The following STAM2 variants were observed in gnomAD, a reference collection of about 807,000 sequenced individuals.
STAM2 encodes the protein signal transducing adapter molecule 2.
Under a neutral mutation model 65.6 loss-of-function variants are expected in STAM2, and 51 were observed. The ratio of observed to expected loss-of-function variants is 0.78; its 90% confidence interval spans 0.62 to 0.98. STAM2 has a LOEUF of 0.98. STAM2 is among the 50% of genes least tolerant of loss of function. The pLI is 0.00. For synonymous variants in STAM2, 198 were observed against 208.4 expected, an observed-to-expected ratio of 0.95 and a Z score of 0.43; for missense variants, 584 against 617.8, an observed-to-expected ratio of 0.95 and a Z score of 0.58.
intron 1 of STAM2, among the ~76,000 whole-genome samples, chr2:152,167,747 T>A (rs942717751): frequency 4.0e-5 from 6 of 150,230 alleles, no homozygotes; most frequent in African/African-American, 1.5e-4. Context: ...AATAAATAAA[T>A]AAATAATTAA....
At position 152,155,512 on chromosome 2, in the gene STAM2, G is replaced by A. The variant is rs549710503; in HGVS notation, c.41-5283C>T. On this transcript the variant is annotated intron_variant, in intron 1 of 13. Coordinates refer to ENST00000263904, the MANE Select transcript of STAM2 (RefSeq NM_005843.6). Reference sequence around the variant, plus strand: ...AGTTCTAGTTCTCCTCTTGTTTACTGAAGAGAAGTAACTCTCCGTTTGGGA... The same window carrying A: ...AGTTCTAGTTCTCCTCTTGTTTACTAAAGAGAAGTAACTCTCCGTTTGGGA... Among the ~76,000 whole-genome samples the A allele has an allele frequency of 3.3e-5, 5 of 152,308 alleles. No homozygotes were observed. In the East Asian group the frequency reaches 9.6e-4, roughly 29 times the overall value.
intron 8 of STAM2, among the ~76,000 whole-genome samples, chr2:152,134,028 CAA>C (rs899853209): frequency 3.8e-4 from 58 of 151,918 alleles, no homozygotes; most frequent in African/African-American, 1.4e-3. Flanking sequence ...ACACTAAACA[CAA>C]AAGTTTTTCA....
rs374797289 is a variant in STAM2 at position 152,136,979 on chromosome 2, C to T, written c.705-1376G>A. ...GCACGATCTTGGCTCACTGCAACCT[C>T]TCCCTCCCAGATTCAAGAAATTCTC... On this transcript the variant is annotated intron_variant, in intron 7 of 13. Coordinates refer to ENST00000263904, the MANE Select transcript of STAM2 (RefSeq NM_005843.6). Among the ~76,000 whole-genome samples, 10 of 150,528 alleles carry T rather than the reference C, an allele frequency of 6.6e-5. No individual in the cohort carries two copies. The East Asian group carries it at 9.8e-4, about 15-fold the overall frequency.
intron 1 of STAM2, among the ~76,000 whole-genome samples, chr2:152,164,358 T>G (rs1689738428): frequency 6.6e-6 from 1 of 151,786 alleles, no homozygotes; most frequent in Non-Finnish European, 1.5e-5. Flanking sequence ...TTTTTTTTTT[T>G]GAGATGCAGT....
In STAM2 at chr2:152,132,130, G is replaced by A. The variant is rs1689076054; in HGVS notation, c.1009C>T (p.Leu337Phe). 1 of 1,611,562 alleles carries A rather than the reference G, an allele frequency of 6.2e-7. No homozygotes were observed. The highest frequency in any genetic ancestry group is 8.5e-7 in the Non-Finnish European group (1 of 1,178,450). The change falls in exon 11 of 14, where the codon CTT becomes TTT. Residue 337 changes from leucine (L) to phenylalanine (F), a missense_variant. Coordinates refer to ENST00000263904, the MANE Select transcript of STAM2 (RefSeq NM_005843.6). ...QQMGPMIDEK[L>F]EEIDRKHSEL... ...AAATCTCACCTATCAATTTCTTCAAGTTTTTCATCTATCATTGGACCCATC... is the reference window on the plus strand; with the variant it reads ...AAATCTCACCTATCAATTTCTTCAAATTTTTCATCTATCATTGGACCCATC...
At chr2:152,138,355 TTAC>T (rs1270225202) in intron 7 of STAM2, among the ~76,000 whole-genome samples, 2 of 152,152 alleles carry the variant, frequency 1.3e-5, no homozygotes, top group Non-Finnish European at 2.9e-5. Context: ...ATAATTTTTG[TTAC>T]TACTGAGAAT....
intron 13 of STAM2, among the ~76,000 whole-genome samples, chr2:152,122,844 T>C (rs890114823): frequency 6.6e-6 from 1 of 152,006 alleles, no homozygotes; most frequent in Non-Finnish European, 1.5e-5. Context: ...AGCAGGCAGA[T>C]CCCTTGAGCT....
intron 11 of STAM2, among the ~76,000 whole-genome samples, chr2:152,126,678 G>A (rs1459413023): frequency 6.6e-6 from 1 of 151,354 alleles, no homozygotes; most frequent in Non-Finnish European, 1.5e-5. Context: ...CCACACCTAA[G>A]TAACAAAAGG....
chr2:152,160,670 G>A (rs188311020), intron 1 of STAM2, among the ~76,000 whole-genome samples: 21,655 of 145,642 alleles, frequency 0.15, 1,904 homozygotes, highest in Middle Eastern at 0.32. Flanking sequence ...CCCCCCGCCC[G>A]GCCAGCCACC....
chr2:152,132,691 A>G (rs1166095783), intron 10 of STAM2, among the ~76,000 whole-genome samples: 1 of 152,184 alleles, frequency 6.6e-6, no homozygotes, highest in African/African-American at 2.4e-5. Context: ...AGAGATTCTT[A>G]TCCCAAAAGA....
chr2:152,175,366 A>G (rs1689994738), intron 1 of STAM2, among the ~76,000 whole-genome samples: 1 of 152,174 alleles, frequency 6.6e-6, no homozygotes, highest in Non-Finnish European at 1.5e-5. Flanking sequence ...CTTGGCAAGG[A>G]GAACGGCCCT....
At chr2:152,165,435 A>C (rs564372948) in intron 1 of STAM2, among the ~76,000 whole-genome samples, 56 of 152,180 alleles carry the variant, frequency 3.7e-4, no homozygotes, top group Non-Finnish European at 4.4e-4. Flanking sequence ...TGTCTCAAAA[A>C]AAAAAAGTCT....
chr2:152,131,304 T>A (rs886569609), intron 11 of STAM2, among the ~76,000 whole-genome samples: 7 of 151,874 alleles, frequency 4.6e-5, no homozygotes, highest in Admixed American at 1.3e-4. Flanking sequence ...AATACAAAAA[T>A]TAGCCAGGTG....
chr2:152,154,008 G>C (rs1689496509), intron 1 of STAM2, among the ~76,000 whole-genome samples: 1 of 151,982 alleles, frequency 6.6e-6, no homozygotes, highest in African/African-American at 2.4e-5. Context: ...TCCTTCCTTG[G>C]TTAAGCTATG....
At chr2:152,164,341 CT>C (rs1195012082) in intron 1 of STAM2, among the ~76,000 whole-genome samples, 750 of 141,706 alleles carry the variant, frequency 5.3e-3, no homozygotes, top group African/African-American at 8.8e-3. Context: ...CCATGATTAA[CT>C]TTTTTTTTTT....
rs1336956602 is a variant in STAM2, at chr2:152,119,624, C to A, written c.*950G>T. ...ATCCCATAAAAAGGATATGCAGCAT[C>A]TCTGCACACCACATTGCAGGAAGAA... On this transcript the variant is annotated 3_prime_UTR_variant, in exon 14 of 14. Transcript: ENST00000263904. 6.6e-6 allele frequency: 1 copy of A among 152,214 alleles called. No individual in the cohort carries two copies. The highest frequency in any genetic ancestry group is 2.4e-5 in the African/African-American group (1 of 41,456). The allele number at this position is 152,214 out of a possible 1,614,324, so 9.4% of individuals were successfully genotyped here.
rs986628346 is a variant in STAM2 at position 152,148,086 on chromosome 2, A to G, written c.238T>C (p.Phe80Leu). ...TCACGGGAACATACTTCTAAATGAA[A>G]TATCTTTCCACAGTTTGCCACACAA... ...GACVANCGKI[F>L]HLEVCSRDFA... is the part of the protein sequence containing the mutation. Residue 80 changes from phenylalanine (F) to leucine (L), a missense_variant, in exon 4 of 14, where the codon TTT becomes CTT. Transcript: ENST00000263904. The G allele has an allele frequency of 6.2e-7, 1 of 1,611,294 alleles. No homozygotes were observed. Among genetic ancestry groups the G allele is most frequent in the Non-Finnish European group, 8.5e-7 (1 of 1,178,610 alleles).
chr2:152,173,385 TATGTATACATATATATATA>T (rs1171177286), intron 1 of STAM2, among the ~76,000 whole-genome samples: 4 of 147,558 alleles, frequency 2.7e-5, no homozygotes, highest in African/African-American at 9.9e-5. Flanking sequence ...TATATATATA[TATGTATACATATATATATA>T]TATTTTTTTT....
chr2:152,138,371 CTTTT>C (rs566344861), intron 7 of STAM2, among the ~76,000 whole-genome samples: 1 of 151,738 alleles, frequency 6.6e-6, no homozygotes, highest in South Asian at 2.1e-4. Flanking sequence ...CTGAGAATGA[CTTTT>C]TTTTACTACA....
Sources: allele counts gnomAD v4.1 joint callset (sites outside exome capture counted in the v4.1 genomes callset), GRCh38; gene constraint gnomAD v4.1.1; transcripts MANE v1.5; gene names NCBI Gene and HGNC (gene_info 2026-07-23, HGNC 2026-07-21).